TLN2: variants seen among roughly 807,000 people sequenced by gnomAD.
TLN2 encodes the protein talin-2.
A neutral mutation model predicts 294.7 loss-of-function variants in TLN2; 118 were observed. That is an observed-to-expected ratio of 0.40 (90% CI 0.34 to 0.47). TLN2 has a LOEUF of 0.47. Among genes scored for constraint, TLN2 ranks in the 20% least tolerant of loss-of-function variants. The pLI, the probability that TLN2 is intolerant of heterozygous loss-of-function variation, is 0.84. For synonymous variants in TLN2, 1,431 were observed against 1,304.5 expected (o/e 1.10, Z -2.09); for missense variants, 3,083 against 3,282.2 (o/e 0.94, Z 1.48).
At position 62,720,250 on chromosome 15, in the gene TLN2, C is replaced by T. The variant is rs115363804; in HGVS notation, c.2991+370C>T. Among the ~76,000 whole-genome samples the T allele has an allele frequency of 8.6e-3, 1,314 of 152,058 alleles. 20 individuals carry two copies. The highest frequency in any genetic ancestry group is 0.029 in the African/African-American group (1,194 of 41,458). ...GATCCTAATGCCATTGTTCATGGAC[C>T]GGGAAAAGAAATGTTAAGTGCGTCT... is the stretch of plus-strand genomic sequence containing the variant. On this transcript the variant is annotated intron_variant, in intron 25 of 58. Coordinates refer to ENST00000636159, the MANE Select transcript of TLN2 (RefSeq NM_015059.3).
rs193294455 is a variant in TLN2, at chr15:62,838,445, T to C, written c.7375-411T>C. ...TAGAGCTAAGGGAGACAAGCGAAAG[T>C]GATGTCTGCGCCAAGTCCTCAAGTA... On this transcript the variant is annotated intron_variant, in intron 57 of 58. Coordinates refer to ENST00000636159, the MANE Select transcript of TLN2 (RefSeq NM_015059.3). 1.2e-3 allele frequency among the ~76,000 whole-genome samples: 179 copies of C among 152,300 alleles called. 2 individuals carry two copies. Among genetic ancestry groups the C allele is most frequent in the African/African-American group, 4.1e-3 (171 of 41,568 alleles).
chr15:62,652,977 T>A (rs1045568691), intron 6 of TLN2, among the ~76,000 whole-genome samples, 185 bp from the exon 7 acceptor site: 2 of 152,184 alleles, frequency 1.3e-5, no homozygotes, highest in African/African-American at 4.8e-5. Flanking sequence ...ACAGTGTGAA[T>A]ATGACTTAAC....
intron 1 of TLN2, among the ~76,000 whole-genome samples, chr15:62,441,471 A>T (rs1025339636): frequency 3.2e-4 from 49 of 152,236 alleles, no homozygotes; most frequent in African/African-American, 8.4e-4. Flanking sequence ...TAAACTAAAG[A>T]TAGAAGAAAC....
At chr15:62,427,217 C>A (rs2034763345) in intron 1 of TLN2, among the ~76,000 whole-genome samples, 1 of 152,160 alleles carries the variant, frequency 6.6e-6, no homozygotes, top group African/African-American at 2.4e-5. Context: ...TTTATATTTT[C>A]ATCCACAAAC....
At chr15:62,747,323 G>A (rs1318410330) in intron 32 of TLN2, among the ~76,000 whole-genome samples, 1 of 152,074 alleles carries the variant, frequency 6.6e-6, no homozygotes, top group African/African-American at 2.4e-5. Context: ...TTAGAAACAG[G>A]TAAAGTCATA....
At position 62,669,374 on chromosome 15, in the gene TLN2, G is replaced by A. The variant is rs117600859; in HGVS notation, c.789-4453G>A. 2.0e-5 allele frequency among the ~76,000 whole-genome samples: 3 copies of A among 152,258 alleles called. No individual in the cohort carries two copies. In the East Asian group the frequency reaches 5.8e-4, roughly 29 times the overall value. The stretch of plus-strand genomic sequence containing the variant: ...TTTGTGAGAGAGGAGTCTGTTGGCT[G>A]CGAACTTTCAACCTCTCATGGATCT... On this transcript the variant is annotated intron_variant, in intron 9 of 58. Coordinates refer to ENST00000636159, the MANE Select transcript of TLN2 (RefSeq NM_015059.3).
At chr15:62,450,795 T>C (rs192697971) in intron 1 of TLN2, among the ~76,000 whole-genome samples, 1 of 152,244 alleles carries the variant, frequency 6.6e-6, no homozygotes, top group Middle Eastern at 3.4e-3. Context: ...GGTCTCGAAC[T>C]CCTGGGCTCA....
chr15:62,762,575 CT>C (rs1184381009), intron 39 of TLN2, 122 bp downstream of exon 39: 1 of 1,161,002 alleles, frequency 8.6e-7, no homozygotes, highest in Non-Finnish European at 1.2e-6. Flanking sequence ...TTTCTTTTCT[CT>C]TTGGGGCCGG....
At chr15:62,436,327 AAACT>A (rs1340334644) in intron 1 of TLN2, among the ~76,000 whole-genome samples, 14 of 152,220 alleles carry the variant, frequency 9.2e-5, no homozygotes, top group African/African-American at 3.4e-4. Context: ...GGTGGAATTC[AAACT>A]AACAGTCCTT....
chr15:62,502,530 A>C (rs533668617), intron 1 of TLN2, among the ~76,000 whole-genome samples: 1 of 152,222 alleles, frequency 6.6e-6, no homozygotes, highest in East Asian at 1.9e-4. Flanking sequence ...TTGCCGAGGC[A>C]CTGGGCCTGG....
intron 37 of TLN2, 66 bp from the exon 38 acceptor site, chr15:62,761,615 T>C: frequency 6.2e-7 from 1 of 1,604,684 alleles, no homozygotes; most frequent in Non-Finnish European, 8.5e-7. Context: ...TAAGAGGTGA[T>C]TACTGTGGTT....
chr15:62,444,136 T>A (rs995641737), intron 1 of TLN2, among the ~76,000 whole-genome samples: 1 of 152,164 alleles, frequency 6.6e-6, no homozygotes, highest in African/African-American at 2.4e-5. Flanking sequence ...TTTGAACCTA[T>A]AAAGAAGTCT....
At chr15:62,753,321 A>C (rs887953457) in intron 35 of TLN2, among the ~76,000 whole-genome samples, 1 of 152,152 alleles carries the variant, frequency 6.6e-6, no homozygotes. Flanking sequence ...GAGGAACCCT[A>C]GGACAGGGCA....
At chr15:62,432,728 T>C (rs566119756) in intron 1 of TLN2, among the ~76,000 whole-genome samples, 27 of 152,342 alleles carry the variant, frequency 1.8e-4, no homozygotes, top group Admixed American at 9.8e-4. Flanking sequence ...GGCAATATAC[T>C]AGGAGTTGTT....
At chr15:62,826,692 T>C (rs533714911) in intron 54 of TLN2, among the ~76,000 whole-genome samples, 1 of 146,188 alleles carries the variant, frequency 6.8e-6, no homozygotes, top group Non-Finnish European at 1.5e-5. Flanking sequence ...AGAAGCAAAC[T>C]AGTAGCAGCC....
intron 9 of TLN2, among the ~76,000 whole-genome samples, chr15:62,669,673 A>G (rs2055161108): frequency 6.6e-6 from 1 of 152,200 alleles, no homozygotes; most frequent in Non-Finnish European, 1.5e-5. Context: ...GACAAGGCTG[A>G]CAGATTGCAC....
At chr15:62,791,392 C>A (rs1315998521) in intron 45 of TLN2, among the ~76,000 whole-genome samples, 1 of 152,124 alleles carries the variant, frequency 6.6e-6, no homozygotes, top group Non-Finnish European at 1.5e-5. Context: ...ACCTAAAGAG[C>A]AGAAGCTCAA....
In TLN2 at chr15:62,835,917, C is replaced by T; in HGVS notation, c.7218C>T (p.Ser2406=). The T allele has an allele frequency of 6.2e-7, 1 of 1,614,232 alleles. No individual in the cohort carries two copies. Among genetic ancestry groups the T allele is most frequent in the Non-Finnish European group, 8.5e-7 (1 of 1,180,036 alleles). ...SAARMVAAAT[S]SLCEAANASV... is the part of the protein sequence containing the mutation. ...CCCGGATGGTGGCGGCTGCGACCAG[C>T]AGTCTCTGTGAGGCGGCCAATGCCT... Residue 2406 remains serine (S), a synonymous_variant, in exon 57 of 59, where the codon AGC becomes AGT. Transcript: ENST00000636159.
chr15:62,797,528 G>A (rs1396280806), intron 48 of TLN2, 126 bp downstream of exon 48: 1 of 1,172,250 alleles, frequency 8.5e-7, no homozygotes, highest in South Asian at 1.6e-5. Flanking sequence ...GAGTGTGTCT[G>A]GTTTGAGGAA....
Sources: gnomAD v4.1 joint callset for allele counts (sites outside exome capture counted in the v4.1 genomes callset) on GRCh38, gnomAD v4.1.1 for gene constraint, MANE v1.5 for transcripts, NCBI Gene and HGNC (gene_info 2026-07-23, HGNC 2026-07-21) for gene names.